Variants in STARD8 observed in about 807,000 individuals in gnomAD.
STARD8 encodes the protein stAR-related lipid transfer protein 8.
Under a neutral mutation model 69.4 loss-of-function variants are expected in STARD8, and 25 were observed. The ratio of observed to expected loss-of-function variants is 0.36; its 90% CI spans 0.26 to 0.50. STARD8 has a LOEUF of 0.50. STARD8 is among the 20% of genes least tolerant of loss of function. The probability of loss-of-function intolerance (pLI) is 0.96; values close to 1 mark genes in which losing one functional copy is unlikely to be tolerated. For synonymous variants in STARD8, 389 were observed against 374.6 expected (o/e 1.04, Z -0.45); for missense variants, 921 against 932.5 (o/e 0.99, Z 0.16).
intron 8 of STARD8, 41 bp downstream of exon 8, chrX:68,720,464 G>A (rs748498135): frequency 8.9e-7 from 1 of 1,120,415 alleles, no homozygotes; most frequent in South Asian, 2.3e-5. Flanking sequence ...ATGGTGCAGG[G>A]GTGGGGTGGT....
intron 2 of STARD8, among the ~76,000 whole-genome samples, chrX:68,711,448 T>C (rs777869509): frequency 9.0e-6 from 1 of 111,515 alleles, no homozygotes; most frequent in Admixed American, 9.5e-5. Flanking sequence ...ACCTGTTGCA[T>C]TCACTCACAG....
Position 68,717,401 on chromosome X carries a change from G to A in STARD8, c.487G>A (p.Val163Met), listed in dbSNP as rs763494032. Residue 163 changes from valine to methionine, a missense_variant, in exon 6 of 15, where the codon GTG becomes ATG. Coordinates refer to ENST00000374599, the MANE Select transcript of STARD8 (RefSeq NM_001142503.3). ...TGCCACCTCTCTGCCAGTCATCACC[G>A]TGAGCCTACCACCCGAGCCAGCAGA... ...LSATSLPVIT[V>M]SLPPEPADLP... 9.9e-6 allele frequency: 12 copies of A among 1,206,729 alleles called. No homozygotes were observed. Among genetic ancestry groups the A allele is most frequent in the East Asian group, 3.0e-5 (1 of 33,647 alleles).
intron 2 of STARD8, among the ~76,000 whole-genome samples, chrX:68,697,006 C>T (rs890308228): frequency 5.4e-5 from 6 of 111,862 alleles, no homozygotes; most frequent in Non-Finnish European, 9.4e-5. Context: ...CCAGTTTCAA[C>T]AGCCATTTGC....
chrX:68,719,996 T>G (rs1206704014), intron 7 of STARD8, among the ~76,000 whole-genome samples: 1 of 112,257 alleles, frequency 8.9e-6, no homozygotes, highest in Non-Finnish European at 1.9e-5. Flanking sequence ...CCTCCCTCAA[T>G]GGGTCTTCCC....
chrX:68,698,049 C>G (rs1045082407), intron 2 of STARD8, among the ~76,000 whole-genome samples: 11 of 112,353 alleles, frequency 9.8e-5, no homozygotes, highest in African/African-American at 3.6e-4. Context: ...CACCTCAGGC[C>G]TTAAAGAGAC....
In STARD8 at chrX:68,686,475, C is replaced by G. The variant is rs955492459; in HGVS notation, c.79+20943C>G. On this transcript the variant is annotated intron_variant, in intron 2 of 14. Transcript: ENST00000374599. ...GGCGCGGGGCTGGGGTCCGGCGTTG[C>G]GGTTCCCGAAGCCACGGACGTGGAC... Among the ~76,000 whole-genome samples the G allele has an allele frequency of 1.3e-4, 15 of 112,551 alleles. 1 individual carries two copies. Among genetic ancestry groups the G allele is most frequent in the Non-Finnish European group, 1.9e-4 (10 of 53,181 alleles).
At position 68,720,346 on chromosome X, in the gene STARD8, G is replaced by A. The variant is rs942498019; in HGVS notation, c.1972G>A (p.Val658Met). 9 of 1,203,593 alleles carry A rather than the reference G, an allele frequency of 7.5e-6. No homozygotes were observed. Among genetic ancestry groups the A allele is most frequent in the South Asian group, 5.4e-5 (3 of 55,545 alleles). ...ATTTGGGGTGCCACCCCTCATCCAC[G>A]TGCAGCGCACGGGCCAGCCACTGCC... ...HVFGVPPLIHVQRTGQPLPQS... is the reference protein window; with the variant it reads ...HVFGVPPLIHMQRTGQPLPQS... Residue 658 changes from valine (V) to methionine (M), a missense_variant, in exon 8 of 15, where the codon GTG becomes ATG. Transcript: ENST00000374599.
At chrX:68,686,754 C>A (rs2079835580) in intron 2 of STARD8, among the ~76,000 whole-genome samples, 1 of 112,579 alleles carries the variant, frequency 8.9e-6, no homozygotes, top group Non-Finnish European at 1.9e-5. Context: ...AGGCTTTCCA[C>A]CCCGCACGCC....
chrX:68,703,343 C>T (rs781661859), intron 2 of STARD8, among the ~76,000 whole-genome samples: 2 of 112,885 alleles, frequency 1.8e-5, no homozygotes, highest in South Asian at 7.3e-4. Flanking sequence ...TCCCACTGTA[C>T]CCTGTAACTT....
At chrX:68,697,956 C>A (rs2079934605) in intron 2 of STARD8, among the ~76,000 whole-genome samples, 2 of 112,383 alleles carry the variant, frequency 1.8e-5, no homozygotes, top group Non-Finnish European at 3.8e-5. Flanking sequence ...GGGGTCCTGC[C>A]ACTGCTTGGT....
At chrX:68,706,085 C>T (rs921397943) in intron 2 of STARD8, among the ~76,000 whole-genome samples, 206 of 111,602 alleles carry the variant, frequency 1.8e-3, no homozygotes, top group African/African-American at 6.6e-3. Flanking sequence ...AAGTGTTGCT[C>T]GCATGGGCCT....
At chrX:68,679,620 G>A (rs1294645754) in intron 2 of STARD8, among the ~76,000 whole-genome samples, 1 of 112,078 alleles carries the variant, frequency 8.9e-6, no homozygotes, top group Non-Finnish European at 1.9e-5. Context: ...GGGGATCCCC[G>A]ATGTGAGCAG....
rs975438517 is a variant in STARD8 at position 68,647,994 on chromosome X, G to A, written c.45+67G>A. The A allele has an allele frequency of 5.3e-6, 6 of 1,139,042 alleles. No individual in the cohort carries two copies. In the African/African-American group the frequency reaches 1.1e-4, roughly 21 times the overall value. The allele number at this position is 1,139,042 out of a possible 1,213,427, so 93.9% of individuals were successfully genotyped here. A position where few individuals can be genotyped will look rare whatever the true frequency, so the allele number is the denominator to read the frequency against. ...GGGAAGGAGGCAGATGTGGACCACTGCGCACCAGCTGGGAAAACGGACCAG... is the reference window on the plus strand; with the variant it reads ...GGGAAGGAGGCAGATGTGGACCACTACGCACCAGCTGGGAAAACGGACCAG... On this transcript the variant is annotated intron_variant, in intron 1 of 14. Coordinates refer to ENST00000374599, the MANE Select transcript of STARD8 (RefSeq NM_001142503.3).
intron 2 of STARD8, among the ~76,000 whole-genome samples, chrX:68,698,932 T>G: frequency 8.9e-6 from 1 of 111,938 alleles, no homozygotes; most frequent in Non-Finnish European, 1.9e-5. Context: ...TGGCTTCAAA[T>G]TCAATCAGGC....
intron 8 of STARD8, 136 bp from the exon 9 acceptor site, chrX:68,720,787 GC>G (rs1167711609): frequency 5.6e-5 from 30 of 531,940 alleles, no homozygotes; most frequent in Non-Finnish European, 8.9e-5. Flanking sequence ...CTCCTACCCT[GC>G]CCCTCAGGAG....
chrX:68,653,986 G>T (rs936137186), intron 1 of STARD8, among the ~76,000 whole-genome samples: 1 of 111,779 alleles, frequency 8.9e-6, no homozygotes, highest in Non-Finnish European at 1.9e-5. Flanking sequence ...AATCTGCCTG[G>T]AGCGCCATCT....
In STARD8 at chrX:68,671,845, C is replaced by A. The variant is rs1036647038; in HGVS notation, c.79+6313C>A. ...ACTGAGTACTGAGGAGCCCTAGTGT[C>A]CCCTAGTGTCTTAGGGGACATGAAA... On this transcript the variant is annotated intron_variant, in intron 2 of 14. Coordinates refer to ENST00000374599, the MANE Select transcript of STARD8 (RefSeq NM_001142503.3). Among the ~76,000 whole-genome samples, 4 of 112,098 alleles carry A rather than the reference C, an allele frequency of 3.6e-5. No individual in the cohort carries two copies. In the Admixed American group the frequency reaches 3.8e-4, roughly 11 times the overall value.
At chrX:68,649,180 A>G (rs181699915) in intron 1 of STARD8, among the ~76,000 whole-genome samples, 101 of 111,752 alleles carry the variant, frequency 9.0e-4, no homozygotes, top group African/African-American at 3.2e-3. Context: ...ACAGGAGGTC[A>G]CATTTGGGCT....
chrX:68,713,926 C>G (rs2080071689), intron 3 of STARD8, among the ~76,000 whole-genome samples: 1 of 112,032 alleles, frequency 8.9e-6, no homozygotes, highest in African/African-American at 3.2e-5. Context: ...CCACCATTTA[C>G]CCACTTGCTC....
Sources: gnomAD v4.1 joint callset for allele counts (sites outside exome capture counted in the v4.1 genomes callset) on GRCh38, gnomAD v4.1.1 for gene constraint, MANE v1.5 for transcripts, NCBI Gene and HGNC (gene_info 2026-07-23, HGNC 2026-07-21) for gene names.